The following MYH9 variants were observed in gnomAD, a reference collection of about 807,000 sequenced individuals.
MYH9 encodes the protein myosin-9.
MYH9 carries 29 observed loss-of-function variants against 241.9 expected under a neutral mutation model. The observed-to-expected ratio is 0.12, with a 90% CI of 0.09 to 0.16. MYH9 has a LOEUF of 0.16. MYH9 is among the 10% of genes least tolerant of loss of function. MYH9 has a pLI of 1.00. For synonymous variants in MYH9, 1,047 were observed against 1,062.6 expected (o/e 0.99, Z 0.29); for missense variants, 1,803 against 2,595.5 (o/e 0.69, Z 6.63).
intron 23 of MYH9, among the ~76,000 whole-genome samples, chr22:36,299,496 T>C (rs2016840797): frequency 6.6e-6 from 1 of 152,170 alleles, no homozygotes; most frequent in Non-Finnish European, 1.5e-5. Flanking sequence ...CTGTTCTGTG[T>C]GGCCCCTGCA....
rs1449152153 is a variant in MYH9 at position 36,344,473 on chromosome 22, C to G, written c.334-2947G>C. ...CCTCCCCATCCAGGCAGCACCTCCCCATCCAGGCGGCCCCGCCCAGGGGCG... is the reference window on the plus strand; with the variant it reads ...CCTCCCCATCCAGGCAGCACCTCCCGATCCAGGCGGCCCCGCCCAGGGGCG... On this transcript the variant is annotated intron_variant, in intron 2 of 40. Transcript: ENST00000216181. Among the ~76,000 whole-genome samples the G allele has an allele frequency of 4.1e-5, 4 of 96,730 alleles. No individual in the cohort carries two copies. The East Asian group carries it at 8.3e-4, about 20-fold the overall frequency. The allele number at this position is 96,730 out of a possible 152,430, so 63.5% of individuals were successfully genotyped here. A position where few individuals can be genotyped will look rare whatever the true frequency, so the allele number is the denominator to read the frequency against.
At chr22:36,384,859 C>T (rs145796277) in intron 1 of MYH9, among the ~76,000 whole-genome samples, 2 of 151,744 alleles carry the variant, frequency 1.3e-5, no homozygotes, top group East Asian at 1.9e-4. Context: ...CTTTCCACTA[C>T]CCCACTCTTC....
intron 12 of MYH9, among the ~76,000 whole-genome samples, chr22:36,316,214 A>G (rs2017148356): frequency 1.3e-5 from 2 of 151,598 alleles, no homozygotes; most frequent in African/African-American, 2.4e-5. Flanking sequence ...ATGTATTTTT[A>G]GTAGAGACGG....
chr22:36,378,757 G>A (rs1221849161), intron 1 of MYH9, among the ~76,000 whole-genome samples: 1 of 152,028 alleles, frequency 6.6e-6, no homozygotes, highest in African/African-American at 2.4e-5. Context: ...GGGAGTAGAA[G>A]AATAGACTCT....
intron 31 of MYH9, among the ~76,000 whole-genome samples, chr22:36,290,925 G>A (rs1031374491): frequency 2.0e-5 from 3 of 151,794 alleles, no homozygotes; most frequent in African/African-American, 7.3e-5. Flanking sequence ...CGCCCCGTCT[G>A]AGAGGTGAGG....
chr22:36,284,293 C>T, intron 39 of MYH9, 28 bp from the exon 40 acceptor site: 1 of 1,605,834 alleles, frequency 6.2e-7, no homozygotes, highest in Non-Finnish European at 8.5e-7. Context: ...TGGCCCGTGG[C>T]CCCGGTTAGG....
chr22:36,315,274 G>A (rs561956521), intron 12 of MYH9, among the ~76,000 whole-genome samples: 16 of 152,152 alleles, frequency 1.1e-4, no homozygotes, highest in South Asian at 6.2e-4. Flanking sequence ...TGTTCAGTTC[G>A]CAACTGGAAA....
At chr22:36,386,633 G>C (rs1033969136) in intron 1 of MYH9, among the ~76,000 whole-genome samples, 32 of 152,124 alleles carry the variant, frequency 2.1e-4, no homozygotes, top group African/African-American at 7.2e-4. Context: ...GGAGACAGCC[G>C]CCTGCCTCTA....
intron 2 of MYH9, among the ~76,000 whole-genome samples, chr22:36,347,187 G>A (rs2017690192): frequency 6.6e-6 from 1 of 151,976 alleles, no homozygotes; most frequent in Non-Finnish European, 1.5e-5. Flanking sequence ...CTCCTAACTT[G>A]GTGATGGACT....
chr22:36,340,554 G>C (rs1211915966), intron 3 of MYH9, among the ~76,000 whole-genome samples: 3 of 152,002 alleles, frequency 2.0e-5, no homozygotes, highest in Non-Finnish European at 4.4e-5. Context: ...CCAGCTACTA[G>C]GGGGGCTGAG....
chr22:36,326,780 G>T (rs78686403), intron 4 of MYH9, 119 bp from the exon 5 acceptor site: 1 of 835,998 alleles, frequency 1.2e-6, no homozygotes, highest in Non-Finnish European at 2.0e-6. Context: ...AGGACCCAAC[G>T]TGTGGCAGAA....
chr22:36,302,029 G>A (rs2016886476), intron 20 of MYH9, among the ~76,000 whole-genome samples: 1 of 152,124 alleles, frequency 6.6e-6, no homozygotes, highest in African/African-American at 2.4e-5. Flanking sequence ...ATCATAAATG[G>A]AACGTACGAA....
In MYH9 at chr22:36,338,582, G is replaced by A. The variant is rs187972882; in HGVS notation, c.490+2788C>T. Among the ~76,000 whole-genome samples, 397 of 151,998 alleles carry A rather than the reference G, an allele frequency of 2.6e-3. 1 individual carries two copies. The highest frequency in any genetic ancestry group is 4.4e-3 in the Admixed American group (67 of 15,286). ...CACCTATAATCCCAGCACTTTGGGA[G>A]GCCGAGGCGGGTGGATCATGAGGTT... On this transcript the variant is annotated intron_variant, in intron 3 of 40. Coordinates refer to ENST00000216181, the MANE Select transcript of MYH9 (RefSeq NM_002473.6).
chr22:36,308,763 G>A, intron 15 of MYH9: 1 of 951,796 alleles, frequency 1.1e-6, no homozygotes, highest in Non-Finnish European at 1.3e-6. Flanking sequence ...GCACAGCTTT[G>A]GACGCACCAC....
chr22:36,335,404 C>T (rs568503247), intron 3 of MYH9, among the ~76,000 whole-genome samples: 3 of 152,362 alleles, frequency 2.0e-5, no homozygotes, highest in South Asian at 2.1e-4. Flanking sequence ...TGTGTGCTGA[C>T]GGCTGGCAGG....
chr22:36,316,968 T>TCTAC (rs2017162695), intron 11 of MYH9, among the ~76,000 whole-genome samples: 1 of 144,744 alleles, frequency 6.9e-6, no homozygotes, highest in African/African-American at 2.7e-5. Context: ...AATAAGGCAG[T>TCTAC]GGTCTACGGC....
chr22:36,295,697 T>A lies in MYH9; in HGVS notation c.3293A>T (p.Gln1098Leu). The change falls in exon 26 of 41, where the codon CAG (glutamine) becomes CTG (leucine). Residue 1098 changes from glutamine (Q) to leucine (L), a missense_variant. Coordinates refer to ENST00000216181, the MANE Select transcript of MYH9 (RefSeq NM_002473.6). The surrounding 1 kb of genome is among the most constrained non-coding windows in gnomAD (Gnocchi z 4.1). Reference sequence around the variant, plus strand: ...GATCTTCTTGAGGGCCATGTTCTTCTGGGCAGCTTCCTCTTCCACTCTGCC... The same window carrying A: ...GATCTTCTTGAGGGCCATGTTCTTCAGGGCAGCTTCCTCTTCCACTCTGCC... The part of the protein sequence containing the change: ...ALARVEEEAA[Q>L]KNMALKKIRE... The A allele has an allele frequency of 6.2e-7, 1 of 1,613,466 alleles. No homozygotes were observed. The highest frequency in any genetic ancestry group is 8.5e-7 in the Non-Finnish European group (1 of 1,179,842).
chr22:36,368,595 T>C, intron 1 of MYH9, among the ~76,000 whole-genome samples: 1 of 152,176 alleles, frequency 6.6e-6, no homozygotes, highest in East Asian at 1.9e-4. Flanking sequence ...CCAGTATCTG[T>C]CCTCCTGTCT....
Position 36,288,704 on chromosome 22 carries a change from G to A in MYH9, c.4770+23C>T. The A allele has an allele frequency of 6.2e-7, 1 of 1,600,252 alleles. No individual in the cohort carries two copies. The highest frequency in any genetic ancestry group is 8.5e-7 in the Non-Finnish European group (1 of 1,179,734). On this transcript the variant is annotated intron_variant, in intron 33 of 40. Transcript: ENST00000216181. The surrounding 1 kb of genome is among the most constrained non-coding windows in gnomAD (Gnocchi z 4.8). ...GCCAAGGCAGCCTTGGGCACCCATG[G>A]GGTAGCAGGAGGCCATGCACACCTG... is the stretch of plus-strand genomic sequence containing the variant.
Sources: allele counts gnomAD v4.1 joint callset (sites outside exome capture counted in the v4.1 genomes callset), GRCh38; gene constraint gnomAD v4.1.1; non-coding constraint Gnocchi (gnomAD v3.1); transcripts MANE v1.5; gene names NCBI Gene and HGNC (gene_info 2026-07-23, HGNC 2026-07-21).